EYA2: variants seen among roughly 807,000 people sequenced by gnomAD.
EYA2 encodes the protein protein phosphatase EYA2.
EYA2 carries 31 observed loss-of-function variants against 69.2 expected under a neutral mutation model. That is an observed-to-expected ratio of 0.45 (90% CI 0.34 to 0.60). EYA2 has a LOEUF of 0.60. EYA2 is among the 20% of genes least tolerant of loss of function. The probability of loss-of-function intolerance (pLI) is 0.02; values close to 1 mark genes in which losing one functional copy is unlikely to be tolerated. For synonymous variants in EYA2, 257 were observed against 279.4 expected (o/e 0.92, Z 0.80); for missense variants, 622 against 701.2 (o/e 0.89, Z 1.28).
At chr20:47,036,381 G>C (rs986042344) in intron 5 of EYA2, among the ~76,000 whole-genome samples, 1 of 152,182 alleles carries the variant, frequency 6.6e-6, no homozygotes, top group African/African-American at 2.4e-5. Flanking sequence ...ACAGACTCCT[G>C]CTGTTTGTTT....
At chr20:46,972,830 G>A (rs1018497211) in intron 1 of EYA2, among the ~76,000 whole-genome samples, 3 of 152,204 alleles carry the variant, frequency 2.0e-5, no homozygotes, top group Non-Finnish European at 2.9e-5. Context: ...TTGGGAGTGT[G>A]CAATGAGGAA....
intron 9 of EYA2, among the ~76,000 whole-genome samples, chr20:47,108,997 G>A (rs75041880): frequency 2.2e-3 from 334 of 152,132 alleles, no homozygotes; most frequent in Middle Eastern, 3.4e-3. Context: ...TCAGTTTACC[G>A]TTCTCTCCAC....
At position 46,932,240 on chromosome 20, in the gene EYA2, C is replaced by A. The variant is rs947364521; in HGVS notation, c.-11+37253C>A. On this transcript the variant is annotated intron_variant, in intron 1 of 15. Coordinates refer to ENST00000327619, the MANE Select transcript of EYA2 (RefSeq NM_005244.5). ...ACCTCCAGGCTCAGTCCGTCTACTT[C>A]CTCCACCTGGCGTACCCTCTTTTAT... Among the ~76,000 whole-genome samples, 3 of 152,120 alleles carry A rather than the reference C, an allele frequency of 2.0e-5. No homozygotes were observed. The East Asian group carries it at 5.8e-4, about 29-fold the overall frequency.
chr20:46,931,319 T>A (rs958887024), intron 1 of EYA2, among the ~76,000 whole-genome samples: 1 of 152,244 alleles, frequency 6.6e-6, no homozygotes, highest in African/African-American at 2.4e-5. Flanking sequence ...CTTCTCTTTT[T>A]TAACCACAGT....
chr20:47,031,714 G>T (rs1003648356), intron 5 of EYA2, among the ~76,000 whole-genome samples: 8 of 152,034 alleles, frequency 5.3e-5, no homozygotes, highest in African/African-American at 1.9e-4. Flanking sequence ...TATTTCTGAC[G>T]TTTCGATGAA....
chr20:47,057,184 A>T (rs2146446452), intron 5 of EYA2, among the ~76,000 whole-genome samples: 1 of 146,240 alleles, frequency 6.8e-6, no homozygotes, highest in Non-Finnish European at 1.5e-5. Flanking sequence ...GAAGGAAGGA[A>T]TCTCAGCACG....
intron 1 of EYA2, among the ~76,000 whole-genome samples, chr20:46,927,857 G>A (rs1337502891): frequency 1.3e-5 from 2 of 152,154 alleles, no homozygotes; most frequent in Admixed American, 1.3e-4. Flanking sequence ...AATACGAGTC[G>A]CTAGTACCTG....
intron 9 of EYA2, among the ~76,000 whole-genome samples, chr20:47,105,961 T>C (rs2032566762): frequency 6.6e-6 from 1 of 152,198 alleles, no homozygotes; most frequent in African/African-American, 2.4e-5. Context: ...GGGAACAGTT[T>C]CCAATCAGCC....
At chr20:47,137,097 G>C (rs2146589052) in intron 9 of EYA2, among the ~76,000 whole-genome samples, 1 of 151,220 alleles carries the variant, frequency 6.6e-6, no homozygotes, top group African/African-American at 2.4e-5. Context: ...AGCCTGTTTT[G>C]GAAAAACTAC....
At chr20:47,016,753 A>G (rs959960151) in intron 5 of EYA2, among the ~76,000 whole-genome samples, 9 of 152,220 alleles carry the variant, frequency 5.9e-5, no homozygotes, top group African/African-American at 1.7e-4. Flanking sequence ...GCATGCAGGG[A>G]AATGTCTGGA....
intron 10 of EYA2, among the ~76,000 whole-genome samples, chr20:47,147,269 G>A (rs768954513): frequency 2.7e-4 from 41 of 151,828 alleles, no homozygotes; most frequent in Non-Finnish European, 5.1e-4. Flanking sequence ...CGGTGGTCTC[G>A]AACTCCTGAC....
intron 1 of EYA2, among the ~76,000 whole-genome samples, chr20:46,962,229 G>T (rs972602596): frequency 2.0e-5 from 3 of 152,110 alleles, no homozygotes; most frequent in African/African-American, 7.2e-5. Context: ...GTCTTGCTAT[G>T]TTGCCCAGGC....
At chr20:46,948,166 T>C (rs1230516459) in intron 1 of EYA2, among the ~76,000 whole-genome samples, 1 of 151,674 alleles carries the variant, frequency 6.6e-6, no homozygotes, top group East Asian at 1.9e-4. Context: ...TACTACCATA[T>C]TAGTCTATCC....
intron 4 of EYA2, among the ~76,000 whole-genome samples, chr20:47,010,886 C>G (rs1461846893): frequency 6.6e-6 from 1 of 150,794 alleles, no homozygotes; most frequent in African/African-American, 2.4e-5. Flanking sequence ...CTCCCACGTT[C>G]AAGTGATTCT....
intron 5 of EYA2, among the ~76,000 whole-genome samples, chr20:47,065,729 G>A (rs1262962531): frequency 1.3e-5 from 2 of 152,116 alleles, no homozygotes; most frequent in Non-Finnish European, 2.9e-5. Context: ...TAAACACAGT[G>A]GCTTTCAATT....
At chr20:46,938,947 T>C (rs900301517) in intron 1 of EYA2, among the ~76,000 whole-genome samples, 1 of 152,212 alleles carries the variant, frequency 6.6e-6, no homozygotes, top group African/African-American at 2.4e-5. Flanking sequence ...CTACCTAACA[T>C]TCACTCTGTA....
intron 10 of EYA2, among the ~76,000 whole-genome samples, chr20:47,150,294 C>T (rs182133578): frequency 1.3e-5 from 2 of 152,344 alleles, no homozygotes; most frequent in East Asian, 1.9e-4. Context: ...GACGTCATCA[C>T]GGCCTTCTCA....
chr20:47,159,094 T>C (rs1702853087), intron 10 of EYA2, among the ~76,000 whole-genome samples: 1 of 151,998 alleles, frequency 6.6e-6, no homozygotes, highest in Admixed American at 6.5e-5. Flanking sequence ...GTAACTTATG[T>C]AGATACTACA....
At chr20:46,949,560 T>G (rs1978674943) in intron 1 of EYA2, among the ~76,000 whole-genome samples, 3 of 152,244 alleles carry the variant, frequency 2.0e-5, no homozygotes. Flanking sequence ...AGTTGTTTTC[T>G]GACTCTTGAC....
Sources: gnomAD v4.1 joint callset for allele counts (sites outside exome capture counted in the v4.1 genomes callset) on GRCh38, gnomAD v4.1.1 for gene constraint, MANE v1.5 for transcripts, NCBI Gene and HGNC (gene_info 2026-07-23, HGNC 2026-07-21) for gene names.